The following EYS variants were observed in gnomAD, a reference collection of about 807,000 sequenced individuals.
EYS encodes the protein protein eyes shut homolog.
EYS carries 250 observed loss-of-function variants against 282.1 expected under a neutral mutation model. That is an observed-to-expected ratio of 0.89 (90% CI 0.80 to 0.98). The LOEUF (loss-of-function observed/expected upper bound fraction) is 0.98. EYS is among the 50% of genes least tolerant of loss of function. The probability of loss-of-function intolerance (pLI) is 0.00; values close to 1 mark genes in which losing one functional copy is unlikely to be tolerated. For missense variants in EYS, 4,016 were observed against 3,709.0 expected (o/e 1.08, Z -2.15); for synonymous variants, 1,355 against 1,282.9 (o/e 1.06, Z -1.20).
intron 31 of EYS, among the ~76,000 whole-genome samples, chr6:64,169,429 G>A (rs1368564644): frequency 2.2e-5 from 1 of 45,908 alleles, no homozygotes; most frequent in Non-Finnish European, 5.3e-5. Flanking sequence ...ATTTGAGGAG[G>A]AGTTTTTTTT....
chr6:64,609,255 T>C (rs1334869885), intron 24 of EYS, among the ~76,000 whole-genome samples: 1 of 152,162 alleles, frequency 6.6e-6, no homozygotes, highest in African/African-American at 2.4e-5. Context: ...GCACATGTTG[T>C]GGCAGTATTA....
At chr6:65,597,158 T>G (rs1484081294) in intron 2 of EYS, among the ~76,000 whole-genome samples, 2 of 152,110 alleles carry the variant, frequency 1.3e-5, no homozygotes, top group East Asian at 3.9e-4. Flanking sequence ...CAAATAAGTT[T>G]GAGAAAAAAA....
chr6:64,520,572 C>A (rs1216376768), intron 26 of EYS, among the ~76,000 whole-genome samples: 1 of 151,482 alleles, frequency 6.6e-6, no homozygotes, highest in African/African-American at 2.4e-5. Context: ...TGAATTAATA[C>A]TGTAGAGGAT....
At chr6:64,727,599 T>C (rs769461960) in intron 22 of EYS, among the ~76,000 whole-genome samples, 17 of 152,198 alleles carry the variant, frequency 1.1e-4, no homozygotes, top group Non-Finnish European at 2.1e-4. Context: ...GAATTTCTTG[T>C]GAATGAAGAT....
At chr6:63,868,578 A>T (rs952670549) in intron 35 of EYS, among the ~76,000 whole-genome samples, 2 of 152,100 alleles carry the variant, frequency 1.3e-5, no homozygotes, top group Non-Finnish European at 2.9e-5. Context: ...CCTTATGAAT[A>T]ATGTCTCCAG....
chr6:63,893,635 C>T (rs1773463393), intron 35 of EYS, among the ~76,000 whole-genome samples: 1 of 152,060 alleles, frequency 6.6e-6, no homozygotes, highest in Non-Finnish European at 1.5e-5. Context: ...AGATGACGGA[C>T]TGATGGGTGC....
chr6:64,910,968 T>G (rs555479445), intron 16 of EYS, among the ~76,000 whole-genome samples: 3 of 152,108 alleles, frequency 2.0e-5, no homozygotes, highest in Admixed American at 6.5e-5. Flanking sequence ...AATAAATATT[T>G]ATATTCTGAG....
chr6:64,376,215 AG>A (rs1381681663), intron 29 of EYS, among the ~76,000 whole-genome samples: 27 of 152,280 alleles, frequency 1.8e-4, no homozygotes, highest in African/African-American at 6.5e-4. Flanking sequence ...GTTTAGGGGA[AG>A]TTAACTCAGA....
At chr6:64,470,635 C>T (rs1052436518) in intron 26 of EYS, among the ~76,000 whole-genome samples, 1 of 152,060 alleles carries the variant, frequency 6.6e-6, no homozygotes, top group Non-Finnish European at 1.5e-5. Context: ...TTTAAGAAAG[C>T]TTACAAATTA....
At chr6:65,143,154 A>G (rs1764390525) in intron 12 of EYS, among the ~76,000 whole-genome samples, 1 of 152,074 alleles carries the variant, frequency 6.6e-6, no homozygotes, top group African/African-American at 2.4e-5. Flanking sequence ...AATGAATCAT[A>G]TGCTGATATA....
At chr6:65,049,593 G>C (rs1471847067) in intron 13 of EYS, among the ~76,000 whole-genome samples, 2 of 151,758 alleles carry the variant, frequency 1.3e-5, no homozygotes, top group East Asian at 3.9e-4. Flanking sequence ...TATTGTGCTG[G>C]AAATGAAGAA....
At chr6:64,142,412 G>A (rs982610527) in intron 31 of EYS, among the ~76,000 whole-genome samples, 2 of 151,996 alleles carry the variant, frequency 1.3e-5, no homozygotes, top group Non-Finnish European at 2.9e-5. Context: ...CCCAAAACTG[G>A]AGCCTCATGT....
At chr6:65,457,090 GA>G (rs1764648198) in intron 5 of EYS, among the ~76,000 whole-genome samples, 1 of 152,138 alleles carries the variant, frequency 6.6e-6, no homozygotes, top group Non-Finnish European at 1.5e-5. Context: ...CTTAAAGATG[GA>G]AGCAATTAAT....
At chr6:64,433,386 T>C (rs1774634707) in intron 28 of EYS, among the ~76,000 whole-genome samples, 1 of 152,068 alleles carries the variant, frequency 6.6e-6, no homozygotes. Context: ...GTTCAACTCA[T>C]AATTCGTGTT....
intron 26 of EYS, among the ~76,000 whole-genome samples, chr6:64,483,882 CAT>C (rs1776507703): frequency 6.6e-6 from 1 of 151,626 alleles, no homozygotes; most frequent in South Asian, 2.1e-4. Context: ...AAAATTCTAA[CAT>C]GTATTGTCTT....
chr6:64,373,874 C>T (rs1772474659), intron 29 of EYS, among the ~76,000 whole-genome samples: 1 of 151,964 alleles, frequency 6.6e-6, no homozygotes, highest in East Asian at 1.9e-4. Flanking sequence ...TTTCCTGGGA[C>T]AATAGAAGCC....
At chr6:64,713,262 A>G (rs1035978583) in intron 22 of EYS, 4 of 152,160 alleles carry the variant, frequency 2.6e-5, no homozygotes, top group Non-Finnish European at 5.9e-5. Context: ...GCAGCAGGGA[A>G]AATACTTACT....
intron 14 of EYS, among the ~76,000 whole-genome samples, chr6:64,948,443 A>G (rs574643224): frequency 4.7e-5 from 7 of 147,592 alleles, no homozygotes; most frequent in Non-Finnish European, 1.0e-4. Flanking sequence ...ATAATATTAA[A>G]TATTGTATTT....
At chr6:64,760,969 G>T (rs906351956) in intron 22 of EYS, among the ~76,000 whole-genome samples, 6 of 152,188 alleles carry the variant, frequency 3.9e-5, no homozygotes, top group Admixed American at 3.9e-4. Context: ...GGAAGTAGGA[G>T]AAGCATGTTT....
Sources: gnomAD v4.1 joint callset for allele counts (sites outside exome capture counted in the v4.1 genomes callset) on GRCh38, gnomAD v4.1.1 for gene constraint, MANE v1.5 for transcripts, NCBI Gene and HGNC (gene_info 2026-07-23, HGNC 2026-07-21) for gene names.